Variants in ACOT7 observed in about 807,000 individuals in gnomAD.
ACOT7 encodes acyl-CoA thioesterase 7.
Under a neutral mutation model 40.2 loss-of-function variants are expected in ACOT7, and 12 were observed. The ratio of observed to expected loss-of-function variants is 0.30; its 90% CI spans 0.19 to 0.48. The LOEUF is 0.48. ACOT7 is among the 20% of genes least tolerant of loss of function. The pLI, the probability that ACOT7 is intolerant of heterozygous loss-of-function variation, is 0.99. For synonymous variants in ACOT7, 228 were observed against 219.5 expected (o/e 1.04, Z -0.34); for missense variants, 395 against 530.8 (o/e 0.74, Z 2.51).
At chr1:6,382,287 C>T (rs1642353794) in intron 1 of ACOT7, among the ~76,000 whole-genome samples, 1 of 151,746 alleles carries the variant, frequency 6.6e-6, no homozygotes, top group South Asian at 2.1e-4. Context: ...ACCTGTAGTC[C>T]CAGCTACGCG....
chr1:6,336,824 A>G lies in ACOT7; in HGVS notation c.418+2609T>C, dbSNP rs113171582. 5.2e-3 allele frequency among the ~76,000 whole-genome samples: 788 copies of G among 152,302 alleles called. 4 individuals are homozygous for G. The highest frequency in any genetic ancestry group is 0.018 in the African/African-American group (753 of 41,560). On this transcript the variant is annotated intron_variant, in intron 3 of 8. Coordinates refer to ENST00000361521, the MANE Select transcript of ACOT7 (RefSeq NM_007274.4). ...GACAGAGAAGGGCCTCAAGAGAACA[A>G]TAGAGACTGCAGAGAGAGATGGCAG...
chr1:6,328,583 G>A (rs1458664400), intron 4 of ACOT7, among the ~76,000 whole-genome samples: 2 of 152,202 alleles, frequency 1.3e-5, no homozygotes. Context: ...TCGGGAGGCT[G>A]AGGCAAGGGA....
At chr1:6,273,458 A>G (rs111777938) in intron 8 of ACOT7, among the ~76,000 whole-genome samples, 4 of 152,320 alleles carry the variant, frequency 2.6e-5, no homozygotes, top group African/African-American at 7.2e-5. Flanking sequence ...ATGCAGGCAA[A>G]AGGAACAGAG....
chr1:6,297,767 A>G (rs1639850820), intron 6 of ACOT7, among the ~76,000 whole-genome samples: 1 of 152,178 alleles, frequency 6.6e-6, no homozygotes, highest in Non-Finnish European at 1.5e-5. Flanking sequence ...TTTAGATACA[A>G]TATCTGGGAT....
At position 6,311,278 on chromosome 1, in the gene ACOT7, A is replaced by G. The variant is rs1341331314; in HGVS notation, c.712+7214T>C. On this transcript the variant is annotated intron_variant, in intron 6 of 8. Coordinates refer to ENST00000361521, the MANE Select transcript of ACOT7 (RefSeq NM_007274.4). This position sits in a 1 kb window ranked among gnomAD's most constrained non-coding sequence, Gnocchi z 5.2. Reference sequence around the variant, plus strand: ...GAGGTTCTTTTCTAAGCCAGAGAACAACCCATGCCCTCCCTCCATTCCCCT... The same window carrying G: ...GAGGTTCTTTTCTAAGCCAGAGAACGACCCATGCCCTCCCTCCATTCCCCT... Among the ~76,000 whole-genome samples the G allele has an allele frequency of 6.6e-6, 1 of 152,188 alleles. No individual in the cohort carries two copies. Among genetic ancestry groups the G allele is most frequent in the African/African-American group, 2.4e-5 (1 of 41,442 alleles).
intron 1 of ACOT7, among the ~76,000 whole-genome samples, chr1:6,357,697 C>A (rs1057169473): frequency 6.6e-6 from 1 of 152,126 alleles, no homozygotes; most frequent in Non-Finnish European, 1.5e-5. Context: ...AAAGGAGAAG[C>A]GGGTCTCCTT....
chr1:6,305,761 G>C (rs1410186884), intron 6 of ACOT7, among the ~76,000 whole-genome samples: 1 of 150,518 alleles, frequency 6.6e-6, no homozygotes, highest in Admixed American at 6.6e-5. Flanking sequence ...GCCAGGCAGA[G>C]ACGCTCCTCA....
At chr1:6,321,908 C>T (rs1400146190) in intron 5 of ACOT7, among the ~76,000 whole-genome samples, 2 of 152,230 alleles carry the variant, frequency 1.3e-5, no homozygotes, top group African/African-American at 2.4e-5. Context: ...GGCCTTCTCT[C>T]AGAGCCCCAC....
At position 6,289,122 on chromosome 1, in the gene ACOT7, C is replaced by T. The variant is rs925475512; in HGVS notation, c.829+5742G>A. Among the ~76,000 whole-genome samples, 14 of 152,180 alleles carry T rather than the reference C, an allele frequency of 9.2e-5. No homozygotes were observed. Among genetic ancestry groups the T allele is most frequent in the South Asian group, 4.2e-4 (2 of 4,812 alleles). ...TATTTTATTTTATTTTTTTTTGAGA[C>T]GGAGTCTCGCTCTGTCGCCCCGGCT... On this transcript the variant is annotated intron_variant, in intron 7 of 8. Transcript: ENST00000361521. The surrounding 1 kb of genome is among the most constrained non-coding windows in gnomAD (Gnocchi z 4.6).
At chr1:6,292,561 C>G (rs1436179991) in intron 7 of ACOT7, among the ~76,000 whole-genome samples, 1 of 152,202 alleles carries the variant, frequency 6.6e-6, no homozygotes, top group Non-Finnish European at 1.5e-5. Flanking sequence ...CTGGTTTTCC[C>G]TCAAAATTAA....
Position 6,311,257 on chromosome 1 carries a change from T to A in ACOT7, c.712+7235A>T, listed in dbSNP as rs1640322691. Among the ~76,000 whole-genome samples the A allele has an allele frequency of 6.6e-6, 1 of 152,146 alleles. No homozygotes were observed. The highest frequency in any genetic ancestry group is 2.1e-4 in the South Asian group (1 of 4,826). On this transcript the variant is annotated intron_variant, in intron 6 of 8. Transcript: ENST00000361521. The surrounding 1 kb of genome is among the most constrained non-coding windows in gnomAD (Gnocchi z 5.2). ...CCGATGTGATCAGTAAACGTTGAGG[T>A]TCTTTTCTAAGCCAGAGAACAACCC...
intron 3 of ACOT7, among the ~76,000 whole-genome samples, chr1:6,334,577 G>A (rs1641049589): frequency 6.6e-6 from 1 of 152,242 alleles, no homozygotes; most frequent in South Asian, 2.1e-4. Flanking sequence ...TGTGCTGCCA[G>A]CCCATCCAAA....
chr1:6,370,681 T>C (rs1642117120), intron 1 of ACOT7, among the ~76,000 whole-genome samples: 1 of 151,516 alleles, frequency 6.6e-6, no homozygotes, highest in Non-Finnish European at 1.5e-5. Context: ...TTAGTAGAGA[T>C]GGGGTTTCAC....
chr1:6,349,918 C>A, intron 1 of ACOT7, 52 bp from the exon 2 acceptor site: 1 of 1,556,372 alleles, frequency 6.4e-7, no homozygotes, highest in Non-Finnish European at 8.9e-7. Context: ...GCCATTTGTG[C>A]AACAGTGACA....
In ACOT7 at chr1:6,363,378, T is replaced by C. The variant is rs142072985; in HGVS notation, c.144-13512A>G. Among the ~76,000 whole-genome samples the C allele has an allele frequency of 6.9e-3, 1,045 of 151,708 alleles. 18 individuals carry two copies. Among genetic ancestry groups the C allele is most frequent in the African/African-American group, 0.024 (1,007 of 41,354 alleles). On this transcript the variant is annotated intron_variant, in intron 1 of 8. Transcript: ENST00000361521. ...GGGAGTCTCCCTTTCCCCCGGGGAG[T>C]TTAGAGAAGACTACTCCTCCACCTC...
chr1:6,327,418 G>A lies in ACOT7; in HGVS notation c.511-5C>T, dbSNP rs111554912. ...CTCCTGCTCCTGCCGGGAATACTGC[G>A]AGAAACCAAAGACAGGTCAGGCCCA... On this transcript the variant is annotated splice_polypyrimidine_tract_variant and splice_region_variant and intron_variant, in intron 4 of 8. Coordinates refer to ENST00000361521, the MANE Select transcript of ACOT7 (RefSeq NM_007274.4). The A allele has an allele frequency of 1.2e-5, 19 of 1,613,830 alleles. No homozygotes were observed. Among genetic ancestry groups the A allele is most frequent in the South Asian group, 4.4e-5 (4 of 91,042 alleles).
intron 8 of ACOT7, among the ~76,000 whole-genome samples, chr1:6,270,592 C>T (rs891751415): frequency 6.6e-6 from 1 of 152,344 alleles, no homozygotes. Flanking sequence ...TGGCCAGGAG[C>T]AGGACTCTGA....
rs577490040 is a variant in ACOT7 at position 6,349,835 on chromosome 1, C to T, written c.175G>A (p.Gly59Ser). 1.1e-5 allele frequency: 17 copies of T among 1,614,130 alleles called. No homozygotes were observed. The highest frequency in any genetic ancestry group is 4.4e-5 in the South Asian group (4 of 91,078). The change falls in exon 2 of 9, where the codon GGC (glycine) becomes AGC (serine). Residue 59 changes from glycine to serine, a missense_variant. By Grantham distance (56) the Gly-to-Ser change is moderately conservative. Transcript: ENST00000361521. Reference sequence around the variant, plus strand: ...AGGATGGTCCCCCCGTGGACATTGCCGGCCACGTTGGCATCATCTGGCCGC... The same window carrying T: ...AGGATGGTCCCCCCGTGGACATTGCTGGCCACGTTGGCATCATCTGGCCGC... ...IMRPDDANVA[G>S]NVHGGTILKM...
intron 1 of ACOT7, among the ~76,000 whole-genome samples, chr1:6,366,659 CT>C (rs1318598183): frequency 1.3e-3 from 180 of 142,600 alleles, no homozygotes; most frequent in Middle Eastern, 3.6e-3. Flanking sequence ...GTAGAACTTA[CT>C]TTTTTTTTTT....
Sources: gnomAD v4.1 joint callset for allele counts (sites outside exome capture counted in the v4.1 genomes callset) on GRCh38, gnomAD v4.1.1 for gene constraint, Gnocchi (gnomAD v3.1) non-coding constraint, MANE v1.5 for transcripts, NCBI Gene and HGNC (gene_info 2026-07-23, HGNC 2026-07-21) for gene names.